RANBP2: variants seen among roughly 807,000 people sequenced by gnomAD.
RANBP2 encodes the protein RAN binding protein 2.
RANBP2 carries 57 observed loss-of-function variants against 303.6 expected under a neutral mutation model. That is an observed-to-expected ratio of 0.19 (90% CI 0.15 to 0.23). RANBP2 has a LOEUF of 0.23. Ranked by LOEUF, RANBP2 falls within the 10% of genes least tolerant of loss-of-function variation. The pLI, the probability that RANBP2 is intolerant of heterozygous loss-of-function variation, is 1.00. For synonymous variants in RANBP2, 1,167 were observed against 1,301.5 expected, an observed-to-expected ratio of 0.90 and a Z score of 2.23; for missense variants, 3,138 against 3,780.8, an observed-to-expected ratio of 0.83 and a Z score of 4.46.
chr2:109,629,661 A>T, the RANBP2 span, among the ~76,000 whole-genome samples: 1 of 151,768 alleles, frequency 6.6e-6, no homozygotes. Flanking sequence ...AAATACAAAA[A>T]TTAGCCAGGC....
the RANBP2 span, among the ~76,000 whole-genome samples, chr2:109,053,967 A>G: frequency 6.6e-6 from 1 of 152,160 alleles, no homozygotes; most frequent in Non-Finnish European, 1.5e-5. Flanking sequence ...GGCCAGTTCA[A>G]GGGAATCCTG....
chr2:109,565,830 AC>A, the RANBP2 span: 101 of 1,614,040 alleles, frequency 6.3e-5, no homozygotes, highest in Non-Finnish European at 7.8e-5. Context: ...CCTCATCCAT[AC>A]TTCCCACAAC....
the RANBP2 span, among the ~76,000 whole-genome samples, chr2:109,034,298 G>GT: frequency 8.0e-6 from 1 of 125,456 alleles, no homozygotes; most frequent in Non-Finnish European, 1.7e-5. Flanking sequence ...AAAAAAAAAG[G>GT]AAGGTTCAAA....
chr2:109,478,071 A>C, the RANBP2 span, among the ~76,000 whole-genome samples: 2 of 152,246 alleles, frequency 1.3e-5, no homozygotes, highest in Non-Finnish European at 2.9e-5. Context: ...TGAGTGTCCC[A>C]TCCACCACAG....
At chr2:109,167,480 T>G in the RANBP2 span, among the ~76,000 whole-genome samples, 6 of 152,202 alleles carry the variant, frequency 3.9e-5, no homozygotes, top group African/African-American at 1.4e-4. Flanking sequence ...AGCTGGTGTC[T>G]TATTCATTAT....
At chr2:109,546,839 ATT>A in the RANBP2 span, among the ~76,000 whole-genome samples, 1 of 152,244 alleles carries the variant, frequency 6.6e-6, no homozygotes, top group East Asian at 1.9e-4. Context: ...TCATAGTAGA[ATT>A]TACACTATAA....
the RANBP2 span, among the ~76,000 whole-genome samples, chr2:108,926,637 C>A: frequency 3.9e-5 from 6 of 152,216 alleles, no homozygotes; most frequent in African/African-American, 1.4e-4. Flanking sequence ...TCTCTCTCCC[C>A]CTTTCCTCCT....
chr2:109,441,940 C>CA, the RANBP2 span, among the ~76,000 whole-genome samples: 2 of 131,114 alleles, frequency 1.5e-5, no homozygotes, highest in Non-Finnish European at 3.4e-5. Context: ...CTACTCCCAG[C>CA]AAAAATATCT....
chr2:108,936,021 C>T, the RANBP2 span, among the ~76,000 whole-genome samples: 1 of 152,236 alleles, frequency 6.6e-6, no homozygotes, highest in Admixed American at 6.5e-5. Context: ...AGAAGGTGGC[C>T]GTCCTCCCTA....
At chr2:109,602,449 G>A in the RANBP2 span, among the ~76,000 whole-genome samples, 1 of 152,140 alleles carries the variant, frequency 6.6e-6, no homozygotes. Flanking sequence ...GCCAAGGCGG[G>A]TGGATCACCT....
At chr2:109,478,396 C>T in the RANBP2 span, among the ~76,000 whole-genome samples, 1 of 152,238 alleles carries the variant, frequency 6.6e-6, no homozygotes, top group African/African-American at 2.4e-5. Flanking sequence ...GATGGGCCCT[C>T]CAGTCTCTAA....
the RANBP2 span, among the ~76,000 whole-genome samples, chr2:109,560,552 C>T: frequency 1.3e-5 from 2 of 152,168 alleles, no homozygotes; most frequent in Non-Finnish European, 2.9e-5. Flanking sequence ...CATTTAAATA[C>T]CCATGACTCT....
intron 7 of RANBP2, among the ~76,000 whole-genome samples, chr2:108,744,284 A>G (rs1480055696): frequency 2.6e-5 from 4 of 152,282 alleles, no homozygotes; most frequent in African/African-American, 7.2e-5. Flanking sequence ...GGTGCCTGTA[A>G]TCCCAGCTAC....
chr2:109,702,693 G>A, the RANBP2 span, among the ~76,000 whole-genome samples: 3 of 152,132 alleles, frequency 2.0e-5, no homozygotes, highest in Admixed American at 6.5e-5. Flanking sequence ...CTGCAACATC[G>A]GAGGGTTTGT....
At chr2:108,965,932 T>C in the RANBP2 span, among the ~76,000 whole-genome samples, 3 of 152,160 alleles carry the variant, frequency 2.0e-5, no homozygotes, top group African/African-American at 2.4e-5. Flanking sequence ...AACCAGGTAC[T>C]ATCAACGTCA....
At chr2:109,222,974 A>G in the RANBP2 span, among the ~76,000 whole-genome samples, 2 of 152,170 alleles carry the variant, frequency 1.3e-5, no homozygotes, top group African/African-American at 4.8e-5. Flanking sequence ...TCTCCCATCA[A>G]CAGGGTCTGT....
the RANBP2 span, among the ~76,000 whole-genome samples, chr2:109,422,688 A>G: frequency 6.6e-6 from 1 of 152,174 alleles, no homozygotes; most frequent in African/African-American, 2.4e-5. Flanking sequence ...GTCTGCTCCT[A>G]GAGGCCATGC....
chr2:109,178,286 A>G, the RANBP2 span, among the ~76,000 whole-genome samples: 1 of 152,160 alleles, frequency 6.6e-6, no homozygotes, highest in Admixed American at 6.5e-5. Context: ...CTTTGCTTTA[A>G]TTTTTAGAGC....
chr2:109,591,046 T>C, the RANBP2 span, among the ~76,000 whole-genome samples: 35 of 152,322 alleles, frequency 2.3e-4, 1 homozygote, highest in East Asian at 6.6e-3. Context: ...GCCGCTAAAT[T>C]TGTGACGATT....
Sources: allele counts gnomAD v4.1 joint callset (sites outside exome capture counted in the v4.1 genomes callset), GRCh38; gene constraint gnomAD v4.1.1; transcripts MANE v1.5; gene names NCBI Gene and HGNC (gene_info 2026-07-23, HGNC 2026-07-21).